Variants in C19orf44 observed in about 807,000 individuals in gnomAD.
C19orf44 encodes chromosome 19 open reading frame 44.
Under a neutral mutation model 50.7 loss-of-function variants are expected in C19orf44, and 43 were observed. That is an observed-to-expected ratio of 0.85 (90% CI 0.66 to 1.09). C19orf44 has a LOEUF of 1.09. Among genes scored for constraint, C19orf44 ranks in the 50% least tolerant of loss-of-function variants. The pLI, the probability that C19orf44 is intolerant of heterozygous loss-of-function variation, is 0.00. For synonymous variants in C19orf44, 298 were observed against 334.7 expected (o/e 0.89, Z 1.20); for missense variants, 722 against 836.2 (o/e 0.86, Z 1.68).
intron 8 of C19orf44, 57 bp downstream of exon 8, chr19:16,517,398 G>C: frequency 8.0e-7 from 1 of 1,256,234 alleles, no homozygotes; most frequent in Non-Finnish European, 1.1e-6. Flanking sequence ...GAGCTCATCA[G>C]TGTCCAAGTG....
chr19:16,515,233 C>T (rs1005222328), intron 7 of C19orf44, among the ~76,000 whole-genome samples: 1 of 152,102 alleles, frequency 6.6e-6, no homozygotes, highest in South Asian at 2.1e-4. Flanking sequence ...TGGTGACGGG[C>T]GCCTGTAGTC....
chr19:16,519,492 C>T lies in C19orf44; in HGVS notation c.*41-602C>T. 1.6e-6 allele frequency: 2 copies of T among 1,250,476 alleles called. No homozygotes were observed. Among genetic ancestry groups the T allele is most frequent in the Non-Finnish European group, 2.3e-6 (2 of 870,970 alleles). 77.5% of individuals were successfully genotyped at this position (1,250,476 alleles called of 1,614,324 possible). A position where few individuals can be genotyped will look rare whatever the true frequency, so the allele number is the denominator to read the frequency against. On this transcript the variant is annotated intron_variant, in intron 8 of 8. Transcript: ENST00000221671. This position sits in a 1 kb window ranked among gnomAD's most constrained non-coding sequence, Gnocchi z 6.0. ...CGCAGGCCGGCCCTGTCTAGAGGGT[C>T]TGGGTGGAGTCAGAACCGGCCTGAC...
rs139957139 is a variant in C19orf44 at position 16,514,324 on chromosome 19, CA to C, written c.1736-172del. ...GCTTAAACCCAGGAGTTCGAGGCTGCAGTGCGCTGTGATGGCACCGCTGTAC... is the reference window on the plus strand; with the variant it reads ...GCTTAAACCCAGGAGTTCGAGGCTGCGTGCGCTGTGATGGCACCGCTGTAC... On this transcript the variant is annotated intron_variant, in intron 6 of 8. Coordinates refer to ENST00000221671, the MANE Select transcript of C19orf44 (RefSeq NM_032207.4). Among the ~76,000 whole-genome samples, 226 of 151,440 alleles carry C rather than the reference CA, an allele frequency of 1.5e-3. 3 individuals are homozygous for C. The East Asian group carries it at 0.039, about 26-fold the overall frequency.
rs1382997431 is a variant in C19orf44 at position 16,503,136 on chromosome 19, A to G, written c.831A>G (p.Ser277=). The G allele has an allele frequency of 6.2e-7, 1 of 1,614,024 alleles. No homozygotes were observed. Among genetic ancestry groups the G allele is most frequent in the Non-Finnish European group, 8.5e-7 (1 of 1,180,038 alleles). The part of the protein sequence containing the change: ...ELSSAKPSQT[S]HLPTSLAADR... Reference sequence around the variant, plus strand: ...CCAGCGCAAAGCCTTCTCAGACATCACACCTGCCAACCTCCCTGGCAGCAG... The same window carrying G: ...CCAGCGCAAAGCCTTCTCAGACATCGCACCTGCCAACCTCCCTGGCAGCAG... Residue 277 remains serine, a synonymous_variant, in exon 3 of 9, where the codon TCA becomes TCG. Coordinates refer to ENST00000221671, the MANE Select transcript of C19orf44 (RefSeq NM_032207.4).
chr19:16,518,560 C>T (rs2085571004), intron 8 of C19orf44: 2 of 152,548 alleles, frequency 1.3e-5, no homozygotes, highest in African/African-American at 4.8e-5. Flanking sequence ...CAGTATTCTT[C>T]TTTCTAGACC....
chr19:16,513,148 T>C (rs929710849), intron 6 of C19orf44, 39 bp downstream of exon 6: 2 of 1,589,880 alleles, frequency 1.3e-6, no homozygotes, highest in African/African-American at 2.7e-5. Flanking sequence ...TGTCACATTT[T>C]ACAGGACTCA....
At position 16,520,933 on chromosome 19, in the gene C19orf44, T is replaced by C; in HGVS notation, c.*880T>C. The stretch of plus-strand genomic sequence containing the variant: ...CTTCACTGTAAGACACGGCATTCCG[T>C]GTGTGACCACGTGACACCCACCCAC... On this transcript the variant is annotated 3_prime_UTR_variant, in exon 9 of 9. Coordinates refer to ENST00000221671, the MANE Select transcript of C19orf44 (RefSeq NM_032207.4). This position sits in a 1 kb window ranked among gnomAD's most constrained non-coding sequence, Gnocchi z 4.0. 2.5e-6 allele frequency: 4 copies of C among 1,607,296 alleles called. No individual in the cohort carries two copies. The highest frequency in any genetic ancestry group is 3.4e-6 in the Non-Finnish European group (4 of 1,174,496).
At chr19:16,497,074 G>T (rs1429696752) in intron 1 of C19orf44, among the ~76,000 whole-genome samples, 1 of 152,116 alleles carries the variant, frequency 6.6e-6, no homozygotes, top group African/African-American at 2.4e-5. Flanking sequence ...GAGGTCAAGG[G>T]CTGCTGTGAG....
At chr19:16,515,171 G>A (rs1389171095) in intron 7 of C19orf44, among the ~76,000 whole-genome samples, 2 of 152,104 alleles carry the variant, frequency 1.3e-5, no homozygotes, top group African/African-American at 4.8e-5. Flanking sequence ...AGACCAGCCC[G>A]GCCAACGTGG....
chr19:16,505,442 G>T (rs1330592048), intron 3 of C19orf44, among the ~76,000 whole-genome samples: 1 of 147,558 alleles, frequency 6.8e-6, no homozygotes, highest in Non-Finnish European at 1.5e-5. Flanking sequence ...TTCGACTCCT[G>T]ACCTGAGGTG....
chr19:16,507,579 C>T (rs2122198020), intron 4 of C19orf44, among the ~76,000 whole-genome samples: 1 of 150,660 alleles, frequency 6.6e-6, no homozygotes, highest in East Asian at 1.9e-4. Context: ...GCAACCTCCA[C>T]CTCCCGGGTT....
Position 16,509,484 on chromosome 19 carries a change from C to A in C19orf44, c.1150-15C>A. On this transcript the variant is annotated splice_polypyrimidine_tract_variant and intron_variant, in intron 4 of 8. Coordinates refer to ENST00000221671, the MANE Select transcript of C19orf44 (RefSeq NM_032207.4). ...CAAAACACTTCCCAGCCACCTCTGC[C>A]ATTCTTCATTTTAGGAGGAAAGTGC... The A allele has an allele frequency of 6.5e-7, 1 of 1,530,056 alleles. No individual in the cohort carries two copies. Among genetic ancestry groups the A allele is most frequent in the Non-Finnish European group, 8.8e-7 (1 of 1,141,850 alleles). 94.8% of individuals were successfully genotyped at this position (1,530,056 alleles called of 1,614,324 possible).
chr19:16,501,425 A>G lies in C19orf44; in HGVS notation c.633A>G (p.Pro211=), dbSNP rs143681756. 614 of 1,613,866 alleles carry G rather than the reference A, an allele frequency of 3.8e-4. No individual in the cohort carries two copies. The highest frequency in any genetic ancestry group is 4.8e-4 in the Non-Finnish European group (566 of 1,179,916). The part of the protein sequence containing the change: ...QKEPARTFDS[P]DSDEEEMKVL... ...AACCTGCTAGAACATTTGATTCTCC[A>G]GACAGTGACGAAGAAGAAATGAAAG... The change falls in exon 2 of 9, where the codon CCA becomes CCG. Residue 211 remains proline, a synonymous_variant. Transcript: ENST00000221671.
At chr19:16,505,051 T>C (rs1186801233) in intron 3 of C19orf44, among the ~76,000 whole-genome samples, 1 of 151,934 alleles carries the variant, frequency 6.6e-6, no homozygotes, top group Non-Finnish European at 1.5e-5. Context: ...TCTCTTGACC[T>C]TGTGATCCGC....
chr19:16,513,510 A>T (rs1202397966), intron 6 of C19orf44, among the ~76,000 whole-genome samples: 1 of 151,960 alleles, frequency 6.6e-6, no homozygotes. Flanking sequence ...CAGCCTCCCG[A>T]GTAGCTGGGA....
Position 16,503,316 on chromosome 19 carries a change from G to A in C19orf44, c.1011G>A (p.Pro337=), listed in dbSNP as rs757021909. 9.9e-6 allele frequency: 16 copies of A among 1,614,020 alleles called. No homozygotes were observed. Among genetic ancestry groups the A allele is most frequent in the East Asian group, 2.2e-5 (1 of 44,888 alleles). The change falls in exon 3 of 9, where the codon CCG becomes CCA. Residue 337 remains proline (P), a synonymous_variant. Coordinates refer to ENST00000221671, the MANE Select transcript of C19orf44 (RefSeq NM_032207.4). The part of the protein sequence containing the change: ...KMGHVKLVSS[P]GRSEAETVDE... ...GGCATGTCAAGCTTGTGTCCTCCCC[G>A]GGAAGGAGTGAGGCTGAGACTGTGG...
At chr19:16,499,198 C>T (rs917810968) in intron 1 of C19orf44, among the ~76,000 whole-genome samples, 4 of 152,116 alleles carry the variant, frequency 2.6e-5, no homozygotes, top group African/African-American at 9.7e-5. Context: ...ACTCCTAGTA[C>T]AGGGTAGTTA....
intron 1 of C19orf44, among the ~76,000 whole-genome samples, chr19:16,499,858 C>T (rs1046077481): frequency 3.3e-5 from 5 of 150,552 alleles, no homozygotes; most frequent in African/African-American, 9.8e-5. Flanking sequence ...GGTGTGATCT[C>T]GGCTCACTGC....
chr19:16,504,147 G>A (rs919972453), intron 3 of C19orf44, among the ~76,000 whole-genome samples: 9 of 152,078 alleles, frequency 5.9e-5, no homozygotes, highest in African/African-American at 1.7e-4. Context: ...GGTGAGCTAT[G>A]AACACACCAC....
Sources: gnomAD v4.1 joint callset for allele counts (sites outside exome capture counted in the v4.1 genomes callset) on GRCh38, gnomAD v4.1.1 for gene constraint, Gnocchi (gnomAD v3.1) non-coding constraint, MANE v1.5 for transcripts, NCBI Gene and HGNC (gene_info 2026-07-23, HGNC 2026-07-21) for gene names.